Variants in CAPZB observed in about 807,000 individuals in gnomAD.
The protein encoded by CAPZB is capping actin protein of muscle Z-line subunit beta, also known as F-actin-capping protein subunit beta.
A neutral mutation model predicts 38.1 loss-of-function variants in CAPZB; 2 were observed. That is an observed-to-expected ratio of 0.05 (90% confidence interval 0.02 to 0.17). The LOEUF (loss-of-function observed/expected upper bound fraction) is 0.17. Ranked by LOEUF, CAPZB falls within the 10% of genes least tolerant of loss-of-function variation. The probability of loss-of-function intolerance (pLI) is 1.00; values close to 1 mark genes in which losing one functional copy is unlikely to be tolerated. For missense variants in CAPZB, 161 were observed against 334.2 expected (o/e 0.48, Z 4.04); for synonymous variants, 107 against 127.4 (o/e 0.84, Z 1.08).
chr1:19,368,566 C>A (rs976737764), intron 4 of CAPZB, among the ~76,000 whole-genome samples: 2 of 150,548 alleles, frequency 1.3e-5, no homozygotes, highest in Non-Finnish European at 2.9e-5. Flanking sequence ...ACCAGGAATC[C>A]GGGACATGCC....
At chr1:19,428,221 G>A (rs2094430192) in intron 1 of CAPZB, among the ~76,000 whole-genome samples, 1 of 152,178 alleles carries the variant, frequency 6.6e-6, no homozygotes. Context: ...TGGCCAACAT[G>A]GTGAAACCCC....
chr1:19,344,568 T>C lies in CAPZB; in HGVS notation c.655-134A>G, dbSNP rs572081375. ...GCACACGCCTGCTCTGGGGCATCAG[T>C]GAGCGCGCTCCAGGCTGCCAAGACC... On this transcript the variant is annotated intron_variant, in intron 7 of 8. Transcript: ENST00000264202. The C allele has an allele frequency of 2.1e-5, 15 of 711,410 alleles. No homozygotes were observed. The South Asian group carries it at 2.4e-4, about 11-fold the overall frequency. 44.1% of individuals were successfully genotyped at this position (711,410 alleles called of 1,614,324 possible).
chr1:19,401,065 G>C (rs1419011845), intron 2 of CAPZB, among the ~76,000 whole-genome samples: 1 of 152,122 alleles, frequency 6.6e-6, no homozygotes, highest in Non-Finnish European at 1.5e-5. Context: ...TAACAGCACG[G>C]ACACCAGGGG....
intron 1 of CAPZB, among the ~76,000 whole-genome samples, chr1:19,426,371 C>CATG: frequency 6.6e-6 from 1 of 151,816 alleles, no homozygotes; most frequent in Non-Finnish European, 1.5e-5. Flanking sequence ...CAAAAATGAC[C>CATG]ATAACAAGCA....
chr1:19,368,757 T>A (rs2094104768), intron 4 of CAPZB, among the ~76,000 whole-genome samples: 1 of 151,682 alleles, frequency 6.6e-6, no homozygotes, highest in Non-Finnish European at 1.5e-5. Flanking sequence ...AGCCTCCACC[T>A]TCTGGGCTCA....
chr1:19,430,587 G>A (rs942221268), intron 1 of CAPZB, among the ~76,000 whole-genome samples: 38 of 152,302 alleles, frequency 2.5e-4, no homozygotes, highest in African/African-American at 8.4e-4. Context: ...CAGAGTCGCT[G>A]CCCAGCAAGG....
At chr1:19,445,422 C>T (rs58633370) in intron 1 of CAPZB, among the ~76,000 whole-genome samples, 8,407 of 151,732 alleles carry the variant, frequency 0.055, 355 homozygotes, top group East Asian at 0.14. Context: ...GTAAAACATG[C>T]ACTTTCCCCG....
intron 1 of CAPZB, among the ~76,000 whole-genome samples, chr1:19,427,845 T>C (rs971556945): frequency 1.3e-5 from 2 of 152,260 alleles, no homozygotes; most frequent in African/African-American, 4.8e-5. Flanking sequence ...TTCAACCTTT[T>C]GGGGTCTGCT....
chr1:19,420,351 T>C (rs1443604071), intron 1 of CAPZB, among the ~76,000 whole-genome samples: 4 of 151,342 alleles, frequency 2.6e-5, no homozygotes, highest in African/African-American at 7.4e-5. Flanking sequence ...CAGTAAACTA[T>C]GTCACTGCAG....
intron 8 of CAPZB, chr1:19,342,958 G>C: frequency 1.3e-6 from 1 of 792,288 alleles, no homozygotes; most frequent in Non-Finnish European, 2.2e-6. Flanking sequence ...GAAATTCAGG[G>C]AGACCCACGA....
chr1:19,455,785 A>C (rs2094531246), intron 1 of CAPZB, among the ~76,000 whole-genome samples: 1 of 152,266 alleles, frequency 6.6e-6, no homozygotes, highest in African/African-American at 2.4e-5. Flanking sequence ...TGCCACATCC[A>C]GTACCACAGG....
chr1:19,384,637 GAGAGC>G (rs375957700), intron 3 of CAPZB, among the ~76,000 whole-genome samples: 22 of 152,292 alleles, frequency 1.4e-4, no homozygotes, highest in African/African-American at 5.3e-4. Context: ...CATCTCCAAA[GAGAGC>G]ATCAGGGTGA....
At position 19,417,086 on chromosome 1, in the gene CAPZB, T is replaced by C. The variant is rs371527059; in HGVS notation, c.93+2575A>G. 2.0e-3 allele frequency among the ~76,000 whole-genome samples: 299 copies of C among 152,160 alleles called. 3 individuals are homozygous for C. The highest frequency in any genetic ancestry group is 6.8e-3 in the African/African-American group (281 of 41,506). ...CACCATCAATGCTGCAATTTCCCTGTTGAGCCCAGGGAAAACCCGCACGGG... is the reference window on the plus strand; with the variant it reads ...CACCATCAATGCTGCAATTTCCCTGCTGAGCCCAGGGAAAACCCGCACGGG... On this transcript the variant is annotated intron_variant, in intron 2 of 8. Transcript: ENST00000264202.
At chr1:19,376,676 T>C (rs2094146199) in intron 4 of CAPZB, among the ~76,000 whole-genome samples, 1 of 152,344 alleles carries the variant, frequency 6.6e-6, no homozygotes, top group Middle Eastern at 3.4e-3. Context: ...CTGTTATCAC[T>C]AGCAGCAATG....
chr1:19,430,906 G>C (rs935987797), intron 1 of CAPZB, among the ~76,000 whole-genome samples: 1 of 152,160 alleles, frequency 6.6e-6, no homozygotes. Flanking sequence ...ATGGCTCTCC[G>C]CCACGTTTCT....
intron 1 of CAPZB, among the ~76,000 whole-genome samples, chr1:19,477,677 C>G (rs1016494184): frequency 2.0e-5 from 3 of 152,246 alleles, no homozygotes; most frequent in Admixed American, 1.3e-4. Context: ...GCACCGGTAC[C>G]ACCGGAAAAT....
At chr1:19,419,178 G>A (rs766488629) in intron 2 of CAPZB, among the ~76,000 whole-genome samples, 2 of 152,154 alleles carry the variant, frequency 1.3e-5, no homozygotes, top group Admixed American at 1.3e-4. Context: ...TAGATGTGAC[G>A]GGCCCTTTAA....
At chr1:19,361,796 C>T (rs1000037330) in intron 4 of CAPZB, among the ~76,000 whole-genome samples, 2 of 152,180 alleles carry the variant, frequency 1.3e-5, no homozygotes, top group East Asian at 1.9e-4. Context: ...TCTGAGGAGT[C>T]GCCCGCCAGA....
chr1:19,481,691 C>T (rs913314210), intron 1 of CAPZB, among the ~76,000 whole-genome samples: 1 of 152,162 alleles, frequency 6.6e-6, no homozygotes, highest in Non-Finnish European at 1.5e-5. Flanking sequence ...GAGCGGACTG[C>T]GTGCACGTGC....
Sources: allele counts gnomAD v4.1 joint callset (sites outside exome capture counted in the v4.1 genomes callset), GRCh38; gene constraint gnomAD v4.1.1; transcripts MANE v1.5; gene names NCBI Gene and HGNC (gene_info 2026-07-23, HGNC 2026-07-21).